The following ABI3BP variants were observed in gnomAD, a reference collection of about 807,000 sequenced individuals.
ABI3BP encodes the protein ABI family member 3 binding protein, also known as target of Nesh-SH3.
Under a neutral mutation model 268.6 loss-of-function variants are expected in ABI3BP, and 216 were observed. The observed-to-expected ratio is 0.80, with a 90% CI of 0.72 to 0.90. The LOEUF (loss-of-function observed/expected upper bound fraction) is 0.90. Among genes scored for constraint, ABI3BP ranks in the 40% least tolerant of loss-of-function variants. The probability of loss-of-function intolerance (pLI) is 0.00; values close to 1 mark genes in which losing one functional copy is unlikely to be tolerated. For missense variants in ABI3BP, 2,090 were observed against 2,182.4 expected, an observed-to-expected ratio of 0.96 and a Z score of 0.84; for synonymous variants, 730 against 730.0, an observed-to-expected ratio of 1.00 and a Z score of 0.00.
At chr3:100,877,344 A>G (rs1001250613) in intron 6 of ABI3BP, among the ~76,000 whole-genome samples, 8 of 152,172 alleles carry the variant, frequency 5.3e-5, no homozygotes, top group African/African-American at 1.2e-4. Context: ...TGAGCTCCCA[A>G]CGCCAAGCAC....
intron 20 of ABI3BP, chr3:100,843,938 G>T: frequency 2.6e-5 from 26 of 985,254 alleles, no homozygotes; most frequent in Non-Finnish European, 3.1e-5. Context: ...GGAAAAATCT[G>T]CATTTTTGAG....
chr3:100,815,416 A>G (rs1462637954), intron 44 of ABI3BP, among the ~76,000 whole-genome samples: 1 of 152,128 alleles, frequency 6.6e-6, no homozygotes, highest in Non-Finnish European at 1.5e-5. Flanking sequence ...AACAGTAGTG[A>G]AGAACAGTGG....
At chr3:100,893,434 A>C (rs1294128436) in intron 4 of ABI3BP, among the ~76,000 whole-genome samples, 1 of 152,150 alleles carries the variant, frequency 6.6e-6, no homozygotes, top group Non-Finnish European at 1.5e-5. Context: ...AGGAAACCCT[A>C]ATACAAATGG....
intron 2 of ABI3BP, among the ~76,000 whole-genome samples, chr3:100,918,433 C>T (rs2059332169): frequency 6.6e-6 from 1 of 151,990 alleles, no homozygotes; most frequent in Non-Finnish European, 1.5e-5. Context: ...GGGTCCTTAG[C>T]TGCTGGGAGT....
chr3:100,874,711 C>A, intron 9 of ABI3BP, 130 bp downstream of exon 9: 1 of 530,822 alleles, frequency 1.9e-6, no homozygotes, highest in Non-Finnish European at 3.4e-6. Context: ...AACACTCCAA[C>A]CTCTTTGCCT....
intron 4 of ABI3BP, 139 bp downstream of exon 4, chr3:100,898,623 A>C: frequency 2.5e-5 from 22 of 881,646 alleles, no homozygotes; most frequent in Non-Finnish European, 3.1e-5. Context: ...TCTCAAGGGC[A>C]GGGCCCCTGA....
chr3:100,829,952 A>G (rs73135578), intron 32 of ABI3BP, among the ~76,000 whole-genome samples: 21,407 of 150,864 alleles, frequency 0.14, 1,976 homozygotes, highest in South Asian at 0.27. Flanking sequence ...GATGGGGGTA[A>G]GTATAGGGTG....
intron 63 of ABI3BP, among the ~76,000 whole-genome samples, chr3:100,755,739 C>G (rs1039555293): frequency 7.9e-5 from 12 of 152,138 alleles, no homozygotes; most frequent in Non-Finnish European, 1.8e-4. Context: ...ATTAAGATTT[C>G]CCTTCAGCAG....
chr3:100,883,012 A>G (rs758416473), intron 6 of ABI3BP, among the ~76,000 whole-genome samples: 2 of 152,142 alleles, frequency 1.3e-5, no homozygotes, highest in African/African-American at 2.4e-5. Flanking sequence ...TTTCCTATAC[A>G]ATGTTGACTG....
chr3:100,778,400 T>C, intron 58 of ABI3BP, 24 bp from the exon 59 acceptor site: 3 of 1,582,710 alleles, frequency 1.9e-6, no homozygotes, highest in Non-Finnish European at 2.6e-6. Context: ...TAAGAGATTG[T>C]ATTTTAGATA....
chr3:100,923,501 T>C (rs571727041), intron 2 of ABI3BP, among the ~76,000 whole-genome samples: 8 of 152,296 alleles, frequency 5.3e-5, no homozygotes, highest in African/African-American at 1.9e-4. Context: ...ACATAAGTGA[T>C]ATATTGATAA....
At chr3:100,905,114 A>G (rs2052677267) in intron 2 of ABI3BP, among the ~76,000 whole-genome samples, 2 of 152,176 alleles carry the variant, frequency 1.3e-5, no homozygotes, top group Non-Finnish European at 1.5e-5. Flanking sequence ...CTTTGTAGGG[A>G]CATGGATGAA....
chr3:100,889,859 T>G (rs894666242), intron 4 of ABI3BP, among the ~76,000 whole-genome samples: 1 of 152,124 alleles, frequency 6.6e-6, no homozygotes, highest in African/African-American at 2.4e-5. Context: ...GACTCGGATT[T>G]TAGTCAGCTG....
At chr3:100,771,464 T>C (rs970650369) in intron 61 of ABI3BP, among the ~76,000 whole-genome samples, 11 of 151,494 alleles carry the variant, frequency 7.3e-5, no homozygotes, top group African/African-American at 2.2e-4. Context: ...GAGAAAAAAA[T>C]CAATCATTTG....
chr3:100,826,762 A>G (rs2098393567), intron 34 of ABI3BP, among the ~76,000 whole-genome samples: 1 of 152,082 alleles, frequency 6.6e-6, no homozygotes, highest in South Asian at 2.1e-4. Context: ...AGGGGTGGCC[A>G]CTCAGTCTGT....
Position 100,816,437 on chromosome 3 carries a change from T to G in ABI3BP, c.3229+251A>C, listed in dbSNP as rs1470409520. 3 of 588,222 alleles carry G rather than the reference T, an allele frequency of 5.1e-6. No homozygotes were observed. In the African/African-American group the frequency reaches 5.6e-5, roughly 11 times the overall value. 36.4% of individuals were successfully genotyped at this position (588,222 alleles called of 1,614,324 possible). A position where few individuals can be genotyped will look rare whatever the true frequency, so the allele number is the denominator to read the frequency against. ...GTATGCTAATCTCGCTGTAAACACATCTTTAAAGAGGGACCAAGAACGTCA... is the reference window on the plus strand; with the variant it reads ...GTATGCTAATCTCGCTGTAAACACAGCTTTAAAGAGGGACCAAGAACGTCA... On this transcript the variant is annotated intron_variant, in intron 43 of 67. Transcript: ENST00000471714.
At chr3:100,953,743 G>T (rs73143088) in intron 1 of ABI3BP, among the ~76,000 whole-genome samples, 15,694 of 152,096 alleles carry the variant, frequency 0.1, 1,099 homozygotes, top group Non-Finnish European at 0.15. Context: ...TGGAGAAGGT[G>T]AGACTTCAGC....
In ABI3BP at chr3:100,848,795, A is replaced by C. The variant is rs1268909048; in HGVS notation, c.1576+6T>G. 3.7e-6 allele frequency: 6 copies of C among 1,608,722 alleles called. No homozygotes were observed. Among genetic ancestry groups the C allele is most frequent in the Non-Finnish European group, 4.3e-6 (5 of 1,175,386 alleles). Reference sequence around the variant, plus strand: ...ACATATCATGTAAATATAAAGAGACATTTACCAGGTTTGGTTCTTGGCGGT... The same window carrying C: ...ACATATCATGTAAATATAAAGAGACCTTTACCAGGTTTGGTTCTTGGCGGT... On this transcript the variant is annotated splice_donor_region_variant and intron_variant, in intron 18 of 67. Transcript: ENST00000471714.
At chr3:100,852,565 G>A (rs1580545268) in intron 14 of ABI3BP, among the ~76,000 whole-genome samples, 1 of 152,246 alleles carries the variant, frequency 6.6e-6, no homozygotes, top group Non-Finnish European at 1.5e-5. Flanking sequence ...GAACACATCT[G>A]CCAGTGGTCA....
Sources: allele counts gnomAD v4.1 joint callset (sites outside exome capture counted in the v4.1 genomes callset), GRCh38; gene constraint gnomAD v4.1.1; transcripts MANE v1.5; gene names NCBI Gene and HGNC (gene_info 2026-07-23, HGNC 2026-07-21).